Variants in PDE1A observed in about 807,000 individuals in gnomAD.
The protein encoded by PDE1A is phosphodiesterase 1A, also known as dual specificity calcium/calmodulin-dependent 3',5'-cyclic nucleotide phosphodiesterase 1A.
Under a neutral mutation model 61.7 loss-of-function variants are expected in PDE1A, and 35 were observed. That is an observed-to-expected ratio of 0.57 (90% CI 0.43 to 0.75). The LOEUF is 0.75. Ranked by LOEUF, PDE1A falls within the 30% of genes least tolerant of loss-of-function variation. The pLI, the probability that PDE1A is intolerant of heterozygous loss-of-function variation, is 0.00. For missense variants in PDE1A, 597 were observed against 630.6 expected (o/e 0.95, Z 0.57); for synonymous variants, 232 against 213.2 (o/e 1.09, Z -0.77).
At chr2:182,276,541 G>T (rs1296192983) in intron 1 of PDE1A, among the ~76,000 whole-genome samples, 1 of 151,914 alleles carries the variant, frequency 6.6e-6, no homozygotes, top group Non-Finnish European at 1.5e-5. Flanking sequence ...GAGGATATTT[G>T]TCACCTCAGG....
intron 1 of PDE1A, among the ~76,000 whole-genome samples, chr2:182,377,659 T>C (rs1342531711): frequency 6.6e-6 from 1 of 152,200 alleles, no homozygotes; most frequent in Non-Finnish European, 1.5e-5. Context: ...AATCTCTTTA[T>C]GACCCAGCAG....
At chr2:182,481,632 CA>C (rs915017529) in intron 2 of PDE1A, among the ~76,000 whole-genome samples, 2 of 151,814 alleles carry the variant, frequency 1.3e-5, no homozygotes, top group Non-Finnish European at 2.9e-5. Context: ...AAGCACAGTA[CA>C]AAAATCCCAG....
the PDE1A span, among the ~76,000 whole-genome samples, chr2:182,590,426 C>T: frequency 6.6e-6 from 1 of 152,070 alleles, no homozygotes; most frequent in Non-Finnish European, 1.5e-5. Flanking sequence ...TATGACTATG[C>T]CACTGCACTC....
chr2:182,314,182 C>G (rs1456930968), intron 1 of PDE1A: 1 of 152,144 alleles, frequency 6.6e-6, no homozygotes, highest in African/African-American at 2.4e-5. Context: ...TACACCAATA[C>G]AGCAGAATAC....
the PDE1A span, among the ~76,000 whole-genome samples, chr2:182,676,939 C>T: frequency 6.6e-6 from 1 of 152,120 alleles, no homozygotes; most frequent in Non-Finnish European, 1.5e-5. Flanking sequence ...CCATCTATGA[C>T]AGACCCACAG....
intron 2 of PDE1A, among the ~76,000 whole-genome samples, chr2:182,450,901 A>C (rs928084261): frequency 1.3e-5 from 2 of 152,154 alleles, no homozygotes; most frequent in Non-Finnish European, 2.9e-5. Flanking sequence ...ACAATAGAGA[A>C]TATCAAAGTA....
the PDE1A span, among the ~76,000 whole-genome samples, chr2:182,681,935 C>T: frequency 6.6e-6 from 1 of 152,184 alleles, no homozygotes. Flanking sequence ...CGTGAGCCAC[C>T]ATGCCCGGCC....
chr2:182,164,700 A>G (rs1691558854), downstream of PDE1A, among the ~76,000 whole-genome samples: 1 of 152,096 alleles, frequency 6.6e-6, no homozygotes, highest in Non-Finnish European at 1.5e-5. Flanking sequence ...GCCTCGCCAT[A>G]GACTGAGCAC....
chr2:182,581,465 C>G, the PDE1A span, among the ~76,000 whole-genome samples: 1 of 152,142 alleles, frequency 6.6e-6, no homozygotes, highest in Non-Finnish European at 1.5e-5. Flanking sequence ...ACAAATGCCC[C>G]TGTGTGTGAG....
At chr2:182,475,881 TGA>T (rs1416981668) in intron 2 of PDE1A, among the ~76,000 whole-genome samples, 1 of 151,998 alleles carries the variant, frequency 6.6e-6, no homozygotes, top group African/African-American at 2.4e-5. Flanking sequence ...CACTGGTTTC[TGA>T]GATAACATAG....
intron 3 of PDE1A, among the ~76,000 whole-genome samples, chr2:182,237,219 GC>G (rs1327059194): frequency 2.0e-5 from 3 of 152,272 alleles, no homozygotes; most frequent in African/African-American, 7.2e-5. Context: ...AAGGACGGGC[GC>G]AGTGACTCAC....
intron 2 of PDE1A, among the ~76,000 whole-genome samples, chr2:182,465,269 C>G (rs1224976552): frequency 6.6e-6 from 1 of 152,084 alleles, no homozygotes; most frequent in African/African-American, 2.4e-5. Context: ...GCTTTGCTTT[C>G]ATCCAATAAT....
At chr2:182,691,899 T>C in the PDE1A span, among the ~76,000 whole-genome samples, 1 of 151,798 alleles carries the variant, frequency 6.6e-6, no homozygotes, top group African/African-American at 2.4e-5. Context: ...AGAAGACATT[T>C]ATGTAACCAA....
At chr2:182,502,520 C>G (rs1274927126) in intron 2 of PDE1A, among the ~76,000 whole-genome samples, 1 of 152,160 alleles carries the variant, frequency 6.6e-6, no homozygotes, top group Non-Finnish European at 1.5e-5. Context: ...ATCAACAACT[C>G]CAAAATGTAT....
chr2:182,146,584 A>C (rs1690508198), downstream of PDE1A, among the ~76,000 whole-genome samples: 1 of 152,074 alleles, frequency 6.6e-6, no homozygotes. Flanking sequence ...TCCCAGGTTC[A>C]AGCAACTCTC....
the PDE1A span, among the ~76,000 whole-genome samples, chr2:182,649,604 A>G: frequency 8.9e-6 from 1 of 111,804 alleles, no homozygotes; most frequent in Non-Finnish European, 1.9e-5. Flanking sequence ...ACCCCACTCT[A>G]TACAAAAAAA....
intron 1 of PDE1A, among the ~76,000 whole-genome samples, chr2:182,375,747 G>A (rs1323982692): frequency 6.6e-6 from 1 of 152,244 alleles, no homozygotes; most frequent in Non-Finnish European, 1.5e-5. Flanking sequence ...CCTTAGCAGA[G>A]GTTCTCCATG....
At chr2:182,671,738 G>C in the PDE1A span, among the ~76,000 whole-genome samples, 8 of 149,450 alleles carry the variant, frequency 5.4e-5, no homozygotes, top group African/African-American at 1.7e-4. Flanking sequence ...TCCTACCTCA[G>C]CCTCCCAAGT....
the PDE1A span, among the ~76,000 whole-genome samples, chr2:182,606,254 C>A: frequency 6.6e-6 from 1 of 152,238 alleles, no homozygotes; most frequent in Non-Finnish European, 1.5e-5. Context: ...TCTCAGCTCA[C>A]TGCGACCTCC....
Sources: allele counts gnomAD v4.1 joint callset (sites outside exome capture counted in the v4.1 genomes callset), GRCh38; gene constraint gnomAD v4.1.1; transcripts MANE v1.5; gene names NCBI Gene and HGNC (gene_info 2026-07-23, HGNC 2026-07-21).